The following KATNIP variants were observed in gnomAD, a reference collection of about 807,000 sequenced individuals.
KATNIP encodes katanin interacting protein, also known as katanin-interacting protein.
A neutral mutation model predicts 174.0 loss-of-function variants in KATNIP; 126 were observed. The ratio of observed to expected loss-of-function variants is 0.72; its 90% CI spans 0.63 to 0.84. The LOEUF is 0.84. Ranked by LOEUF, KATNIP falls within the 40% of genes least tolerant of loss-of-function variation. The probability of loss-of-function intolerance (pLI) is 0.00; values close to 1 mark genes in which losing one functional copy is unlikely to be tolerated. For missense variants in KATNIP, 1,958 were observed against 2,109.7 expected (o/e 0.93, Z 1.41); for synonymous variants, 810 against 835.7 (o/e 0.97, Z 0.53).
intron 22 of KATNIP, 135 bp from the exon 23 acceptor site, chr16:27,772,964 G>T (rs1337201581): frequency 3.3e-6 from 2 of 607,880 alleles, no homozygotes; most frequent in Non-Finnish European, 5.8e-6. Flanking sequence ...ATAGGCTCTA[G>T]TTGCAATAAG....
intron 6 of KATNIP, among the ~76,000 whole-genome samples, chr16:27,660,514 A>C (rs372437542): frequency 6.6e-6 from 1 of 152,136 alleles, no homozygotes; most frequent in African/African-American, 2.4e-5. Flanking sequence ...GCACCACTGC[A>C]CTCCAGCCTG....
chr16:27,550,227 C>T (rs772140470), intron 1 of KATNIP, 50 bp downstream of exon 1: 1 of 1,588,270 alleles, frequency 6.3e-7, no homozygotes, highest in South Asian at 1.1e-5. Flanking sequence ...TTCTCCCATC[C>T]CTCCCGACCG....
chr16:27,628,997 A>G (rs144200740), intron 4 of KATNIP, among the ~76,000 whole-genome samples, 167 bp downstream of exon 4: 1 of 151,802 alleles, frequency 6.6e-6, no homozygotes, highest in Non-Finnish European at 1.5e-5. Context: ...GTGAAACCCT[A>G]TCTCTACTAA....
At chr16:27,661,465 C>T (rs2077471265) in intron 6 of KATNIP, among the ~76,000 whole-genome samples, 1 of 152,044 alleles carries the variant, frequency 6.6e-6, no homozygotes, top group South Asian at 2.1e-4. Flanking sequence ...GGTCTCGGCT[C>T]ACTGCAACCT....
chr16:27,594,536 A>G (rs2075278374), intron 2 of KATNIP, among the ~76,000 whole-genome samples: 1 of 152,008 alleles, frequency 6.6e-6, no homozygotes, highest in African/African-American at 2.4e-5. Flanking sequence ...CTGAAGTCTC[A>G]GATCTCACAA....
At chr16:27,644,949 T>C (rs538867755) in intron 5 of KATNIP, among the ~76,000 whole-genome samples, 34 of 152,312 alleles carry the variant, frequency 2.2e-4, no homozygotes, top group Middle Eastern at 3.4e-3. Flanking sequence ...GGAGGCCTCA[T>C]GCTCAGATTT....
intron 14 of KATNIP, among the ~76,000 whole-genome samples, chr16:27,728,565 G>C (rs182767760): frequency 6.6e-6 from 1 of 152,218 alleles, no homozygotes; most frequent in East Asian, 1.9e-4. Context: ...TGAGTTGCTG[G>C]GACTACAGGC....
chr16:27,561,315 G>A (rs1024663912), intron 1 of KATNIP, among the ~76,000 whole-genome samples: 1 of 151,842 alleles, frequency 6.6e-6, no homozygotes, highest in African/African-American at 2.4e-5. Flanking sequence ...GGGCCACTTT[G>A]CCTGGCCTGG....
chr16:27,724,191 C>A (rs1454121504), intron 14 of KATNIP, among the ~76,000 whole-genome samples: 1 of 152,140 alleles, frequency 6.6e-6, no homozygotes, highest in Admixed American at 6.5e-5. Flanking sequence ...GCAGCCCCAG[C>A]CCACATAGCC....
chr16:27,740,491 C>T lies in KATNIP; in HGVS notation c.2194C>T (p.Leu732Phe). 1 of 1,614,196 alleles carries T rather than the reference C, an allele frequency of 6.2e-7. No individual in the cohort carries two copies. Among genetic ancestry groups the T allele is most frequent in the Non-Finnish European group, 8.5e-7 (1 of 1,180,046 alleles). ...CCCTCCTGTCCATGAGGAGCCCTCT[C>T]TCATCCAACAACTGGAAAACCTCAT... is the stretch of plus-strand genomic sequence containing the variant. Reference protein sequence around the residue: ...KCPPVHEEPSLIQQLENLMGR... With the variant: ...KCPPVHEEPSFIQQLENLMGR... Residue 732 changes from leucine to phenylalanine, a missense_variant, in exon 15 of 28, where the codon CTC (leucine) becomes TTC (phenylalanine). Leu to Phe is a conservative substitution (Grantham distance 22). Around this residue, in one of 3 missense-constraint regions of KATNIP, gnomAD observed 1,557 missense variants for 1,617.8 expected, o/e 0.96. Coordinates refer to ENST00000261588, the MANE Select transcript of KATNIP (RefSeq NM_015202.5).
Position 27,776,888 on chromosome 16 carries a change from T to G in KATNIP, c.4450-40T>G, listed in dbSNP as rs1257246548. ...CCCAGCCCAGCCAAGCGCCTCTGTT[T>G]CCAAACATGCCTGTTTTAATTAGTG... On this transcript the variant is annotated intron_variant, in intron 24 of 27. Transcript: ENST00000261588. This position sits in a 1 kb window ranked among gnomAD's most constrained non-coding sequence, Gnocchi z 4.7. 25 of 1,468,890 alleles carry G rather than the reference T, an allele frequency of 1.7e-5. No homozygotes were observed. Among genetic ancestry groups the G allele is most frequent in the Non-Finnish European group, 2.3e-5 (24 of 1,048,950 alleles). 91.0% of individuals were successfully genotyped at this position (1,468,890 alleles called of 1,614,324 possible).
intron 2 of KATNIP, among the ~76,000 whole-genome samples, chr16:27,579,222 G>A (rs747382786): frequency 6.6e-6 from 1 of 152,176 alleles, no homozygotes; most frequent in Non-Finnish European, 1.5e-5. Context: ...TGAGCATGGC[G>A]CTGGGGACAT....
intron 8 of KATNIP, among the ~76,000 whole-genome samples, chr16:27,690,926 A>G (rs1348443833): frequency 6.6e-6 from 1 of 152,054 alleles, no homozygotes. Context: ...CAGGAATCCC[A>G]ATTTTCAGGT....
At position 27,708,857 on chromosome 16, in the gene KATNIP, T is replaced by C; in HGVS notation, c.1542T>C (p.Asp514=). 1 of 1,613,944 alleles carries C rather than the reference T, an allele frequency of 6.2e-7. No homozygotes were observed. Among genetic ancestry groups the C allele is most frequent in the Non-Finnish European group, 8.5e-7 (1 of 1,180,010 alleles). ...CAAAGCTTTATGTGTCGCCCCACGA[T>C]GTGGATATCCGGAACACAGCCACGC... ...NDTKLYVSPH[D]VDIRNTATPG... Residue 514 remains aspartate (D), a synonymous_variant, in exon 13 of 28, where the codon GAT becomes GAC. Transcript: ENST00000261588.
At chr16:27,648,247 C>T (rs1448017374) in intron 5 of KATNIP, among the ~76,000 whole-genome samples, 5 of 151,136 alleles carry the variant, frequency 3.3e-5, no homozygotes, top group Non-Finnish European at 5.9e-5. Context: ...GATCCAAGAT[C>T]GCACCATTGC....
chr16:27,551,862 CAATAAT>C (rs907231975), intron 1 of KATNIP, among the ~76,000 whole-genome samples: 8 of 151,230 alleles, frequency 5.3e-5, no homozygotes, highest in Non-Finnish European at 1.2e-4. Context: ...CAAAAAAACC[CAATAAT>C]AATAATAATA....
chr16:27,560,461 GTGTTACC>G (rs1475493431), intron 1 of KATNIP, among the ~76,000 whole-genome samples: 1 of 152,086 alleles, frequency 6.6e-6, no homozygotes, highest in African/African-American at 2.4e-5. Flanking sequence ...CTTCTGGCTG[GTGTTACC>G]TGTCATCTGG....
At position 27,701,572 on chromosome 16, in the gene KATNIP, A is replaced by T; in HGVS notation, c.1180-17A>T. On this transcript the variant is annotated splice_polypyrimidine_tract_variant and intron_variant, in intron 10 of 27. Transcript: ENST00000261588. ...TGTTGCCTGAGACATCTGTTTAATA[A>T]GCCTTTCCATCCTCAGCTGCTTCCC... 6.4e-7 allele frequency: 1 copy of T among 1,562,900 alleles called. No homozygotes were observed. Among genetic ancestry groups the T allele is most frequent in the Non-Finnish European group, 8.7e-7 (1 of 1,151,656 alleles).
At chr16:27,682,291 T>C (rs2078374423) in intron 8 of KATNIP, among the ~76,000 whole-genome samples, 1 of 152,206 alleles carries the variant, frequency 6.6e-6, no homozygotes, top group African/African-American at 2.4e-5. Context: ...ACTTCTACCA[T>C]CTCACATAAT....
Sources: gnomAD v4.1 joint callset for allele counts (sites outside exome capture counted in the v4.1 genomes callset) on GRCh38, gnomAD v4.1.1 for gene constraint, gnomAD v4.1.1 regional missense constraint, Gnocchi (gnomAD v3.1) non-coding constraint, MANE v1.5 for transcripts, NCBI Gene and HGNC (gene_info 2026-07-23, HGNC 2026-07-21) for gene names.